NRXN1: variants seen among roughly 807,000 people sequenced by gnomAD.
The protein encoded by NRXN1 is neurexin-1.
Under a neutral mutation model 150.9 loss-of-function variants are expected in NRXN1, and 39 were observed. The ratio of observed to expected loss-of-function variants is 0.26; its 90% CI spans 0.20 to 0.34. The LOEUF (loss-of-function observed/expected upper bound fraction) is 0.34, where lower values mean the gene tolerates loss of function less well. Among genes scored for constraint, NRXN1 ranks in the 10% least tolerant of loss-of-function variants. The probability of loss-of-function intolerance (pLI) is 1.00; values close to 1 mark genes in which losing one functional copy is unlikely to be tolerated. For synonymous variants in NRXN1, 924 were observed against 757.0 expected, an observed-to-expected ratio of 1.22 and a Z score of -3.62; for missense variants, 1,815 against 1,949.9, an observed-to-expected ratio of 0.93 and a Z score of 1.30.
intron 17 of NRXN1, among the ~76,000 whole-genome samples, chr2:50,328,780 T>C (rs934686356): frequency 2.6e-5 from 4 of 152,086 alleles, no homozygotes; most frequent in Admixed American, 6.6e-5. Flanking sequence ...CATTTCCTAC[T>C]AATTCCGTCA....
At chr2:50,698,733 C>T (rs141180602) in intron 5 of NRXN1, among the ~76,000 whole-genome samples, 93 of 152,254 alleles carry the variant, frequency 6.1e-4, no homozygotes, top group Admixed American at 1.2e-3. Context: ...CCATTATTCC[C>T]TAGAAAACAT....
At chr2:49,929,759 C>T (rs887952908) in intron 22 of NRXN1, among the ~76,000 whole-genome samples, 7 of 152,072 alleles carry the variant, frequency 4.6e-5, no homozygotes, top group South Asian at 4.1e-4. Flanking sequence ...CTTCTATCAA[C>T]GAGTATATAA....
In NRXN1 at chr2:50,168,747, A is replaced by C. The variant is rs574204436; in HGVS notation, c.3546+68042T>G. Among the ~76,000 whole-genome samples the C allele has an allele frequency of 2.0e-3, 305 of 152,350 alleles. 2 individuals are homozygous for C. Among genetic ancestry groups the C allele is most frequent in the African/African-American group, 7.0e-3 (290 of 41,592 alleles). ...CAGGTGGTTGACAAGCCCAGGACTTACATGAATGCAACCCCAGAAGAAAAA... is the reference window on the plus strand; with the variant it reads ...CAGGTGGTTGACAAGCCCAGGACTTCCATGAATGCAACCCCAGAAGAAAAA... On this transcript the variant is annotated intron_variant, in intron 18 of 22. Transcript: ENST00000401669.
chr2:50,701,090 T>A (rs759053662), intron 5 of NRXN1, among the ~76,000 whole-genome samples: 1 of 152,186 alleles, frequency 6.6e-6, no homozygotes, highest in African/African-American at 2.4e-5. Context: ...AATAACTACA[T>A]TAAAGTAGGC....
intron 18 of NRXN1, among the ~76,000 whole-genome samples, chr2:50,188,062 C>T (rs753388426): frequency 6.6e-6 from 1 of 151,954 alleles, no homozygotes; most frequent in East Asian, 1.9e-4. Flanking sequence ...ATTTGAATAC[C>T]CTATGTTTCT....
intron 5 of NRXN1, among the ~76,000 whole-genome samples, chr2:50,829,933 A>C (rs1039376694): frequency 2.1e-5 from 3 of 143,604 alleles, no homozygotes; most frequent in Non-Finnish European, 4.5e-5. Context: ...AAGACTCACA[A>C]TGTGAGTTCT....
chr2:50,612,398 T>C (rs1309424069), intron 8 of NRXN1, among the ~76,000 whole-genome samples: 1 of 152,158 alleles, frequency 6.6e-6, no homozygotes, highest in Non-Finnish European at 1.5e-5. Flanking sequence ...CTTCTTCCAT[T>C]ACTCCCTTTC....
rs561057036 is a variant in NRXN1 at position 49,967,638 on chromosome 2, C to T, written c.4129-23847G>A. Among the ~76,000 whole-genome samples, 5 of 152,190 alleles carry T rather than the reference C, an allele frequency of 3.3e-5. No individual in the cohort carries two copies. In the South Asian group the frequency reaches 1.0e-3, roughly 32 times the overall value. On this transcript the variant is annotated intron_variant, in intron 21 of 22. Coordinates refer to ENST00000401669, the MANE Select transcript of NRXN1 (RefSeq NM_001330078.2). ...AACCTTCATATCTTTTCTTAAAGTA[C>T]TGCAAAGAGTAGATGCATCATTTAG...
At chr2:50,994,657 C>G (rs917202134) in intron 2 of NRXN1, among the ~76,000 whole-genome samples, 1 of 151,936 alleles carries the variant, frequency 6.6e-6, no homozygotes, top group African/African-American at 2.4e-5. Flanking sequence ...CTGTGTAATG[C>G]ATCCAGAAAA....
intron 2 of NRXN1, among the ~76,000 whole-genome samples, chr2:50,990,527 T>C (rs979285558): frequency 1.8e-4 from 27 of 152,036 alleles, no homozygotes; most frequent in African/African-American, 6.5e-4. Flanking sequence ...AACACTTACA[T>C]AAACATGTTG....
intron 19 of NRXN1, 74 bp from the exon 20 acceptor site, chr2:50,055,118 T>G: frequency 3.0e-6 from 3 of 989,714 alleles, no homozygotes; most frequent in South Asian, 1.7e-5. Flanking sequence ...ACTTAAAGAT[T>G]GAGCTATACA....
intron 17 of NRXN1, among the ~76,000 whole-genome samples, chr2:50,333,001 CTTTAT>C (rs2076930419): frequency 6.6e-6 from 1 of 152,164 alleles, no homozygotes; most frequent in African/African-American, 2.4e-5. Context: ...CAACCTCTAC[CTTTAT>C]TTTATTTTCC....
intron 21 of NRXN1, among the ~76,000 whole-genome samples, chr2:50,004,073 T>TA (rs1684371331): frequency 6.6e-6 from 1 of 152,106 alleles, no homozygotes; most frequent in Admixed American, 6.6e-5. Context: ...GGTGAGGTAT[T>TA]ACTTGAGTAA....
intron 5 of NRXN1, among the ~76,000 whole-genome samples, chr2:50,669,327 T>C (rs986274010): frequency 6.6e-6 from 1 of 151,928 alleles, no homozygotes; most frequent in Non-Finnish European, 1.5e-5. Context: ...TTTAAGTCTT[T>C]GAAAAGTCCC....
chr2:50,774,334 T>A (rs1703350213), intron 5 of NRXN1, among the ~76,000 whole-genome samples: 1 of 152,122 alleles, frequency 6.6e-6, no homozygotes, highest in Admixed American at 6.6e-5. Context: ...ATCATAAAAT[T>A]AAACACATTA....
chr2:50,334,685 C>T (rs59636772), intron 17 of NRXN1, among the ~76,000 whole-genome samples: 15,403 of 152,108 alleles, frequency 0.1, 988 homozygotes, highest in African/African-American at 0.19. Flanking sequence ...CATATTGGCT[C>T]CAGAGGAGCC....
intron 1 of NRXN1, among the ~76,000 whole-genome samples, chr2:51,031,532 T>A (rs1671549518): frequency 6.6e-6 from 1 of 152,076 alleles, no homozygotes; most frequent in African/African-American, 2.4e-5. Context: ...GCAAAGTCTC[T>A]CAATACCAAT....
intron 17 of NRXN1, among the ~76,000 whole-genome samples, chr2:50,420,668 T>A (rs956690662): frequency 5.9e-5 from 9 of 152,170 alleles, no homozygotes; most frequent in South Asian, 2.1e-4. Flanking sequence ...TCTAGCATTG[T>A]GTGATAAAGT....
At chr2:50,175,486 C>G (rs2060297818) in intron 18 of NRXN1, among the ~76,000 whole-genome samples, 1 of 151,954 alleles carries the variant, frequency 6.6e-6, no homozygotes, top group Non-Finnish European at 1.5e-5. Flanking sequence ...GAATGGGTCA[C>G]TCTTAAAAAT....
Sources: gnomAD v4.1 joint callset for allele counts (sites outside exome capture counted in the v4.1 genomes callset) on GRCh38, gnomAD v4.1.1 for gene constraint, MANE v1.5 for transcripts, NCBI Gene and HGNC (gene_info 2026-07-23, HGNC 2026-07-21) for gene names.